Variants in CA8 observed in about 807,000 individuals in gnomAD.
CA8 encodes carbonic anhydrase 8 (inactive).
Under a neutral mutation model 41.4 loss-of-function variants are expected in CA8, and 22 were observed. The observed-to-expected ratio is 0.53, with a 90% CI of 0.38 to 0.76. The LOEUF (loss-of-function observed/expected upper bound fraction) is 0.76, where lower values mean the gene tolerates loss of function less well. Ranked by LOEUF, CA8 falls within the 30% of genes least tolerant of loss-of-function variation. The pLI is 0.00. For missense variants in CA8, 270 were observed against 352.8 expected (o/e 0.77, Z 1.88); for synonymous variants, 121 against 130.6 (o/e 0.93, Z 0.50).
chr8:60,219,252 G>C (rs1167833299), intron 7 of CA8, among the ~76,000 whole-genome samples: 3 of 151,500 alleles, frequency 2.0e-5, no homozygotes, highest in Non-Finnish European at 4.4e-5. Context: ...TCCACCACCC[G>C]GGTTCAAGCA....
At position 60,250,814 on chromosome 8, in the gene CA8, A is replaced by C. The variant is rs1808415083; in HGVS notation, c.417+15111T>G. ...GTGTAATGTTGAACAGTGATGCTCC[A>C]CTGCTCTTGGTCAAATAACATATAT... On this transcript the variant is annotated intron_variant, in intron 3 of 8. Coordinates refer to ENST00000317995, the MANE Select transcript of CA8 (RefSeq NM_004056.6). Among the ~76,000 whole-genome samples the C allele has an allele frequency of 2.0e-5, 3 of 152,216 alleles. No homozygotes were observed. In the South Asian group the frequency reaches 6.2e-4, roughly 32 times the overall value.
chr8:60,280,108 T>C (rs965307219), intron 1 of CA8, among the ~76,000 whole-genome samples: 8 of 152,182 alleles, frequency 5.3e-5, no homozygotes, highest in Admixed American at 3.9e-4. Context: ...AATATTCTAT[T>C]TGTATTTGTC....
intron 7 of CA8, among the ~76,000 whole-genome samples, chr8:60,220,666 T>C (rs1807211774): frequency 6.6e-6 from 1 of 152,182 alleles, no homozygotes; most frequent in Non-Finnish European, 1.5e-5. Flanking sequence ...GCTATCTTCT[T>C]GTCTTCCTAC....
intron 3 of CA8, among the ~76,000 whole-genome samples, chr8:60,246,061 C>T (rs1808224590): frequency 6.6e-6 from 1 of 152,224 alleles, no homozygotes; most frequent in South Asian, 2.1e-4. Flanking sequence ...CTTACCTAAC[C>T]GTGAACCTCT....
At chr8:60,272,058 G>A (rs116015746) in intron 2 of CA8, among the ~76,000 whole-genome samples, 2,730 of 152,222 alleles carry the variant, frequency 0.018, 67 homozygotes, top group African/African-American at 0.061. Context: ...TGTTAGGAGG[G>A]AGGGACTCTG....
chr8:60,242,603 T>G (rs1469150308), intron 3 of CA8, among the ~76,000 whole-genome samples: 1 of 152,140 alleles, frequency 6.6e-6, no homozygotes, highest in Non-Finnish European at 1.5e-5. Flanking sequence ...CCCAAGACAC[T>G]GCTAGCATGC....
At chr8:60,280,031 T>C (rs1032432994) in intron 1 of CA8, 151 bp from the exon 2 acceptor site, 11 of 630,338 alleles carry the variant, frequency 1.7e-5, no homozygotes, top group Middle Eastern at 8.6e-4. Context: ...ATTCTATTTG[T>C]TTTTGCATTC....
chr8:60,222,555 C>T (rs994950943), intron 7 of CA8, 94 bp downstream of exon 7: 16 of 792,800 alleles, frequency 2.0e-5, no homozygotes, highest in Non-Finnish European at 3.1e-5. Context: ...GACTGATCTA[C>T]AGGAAGCTAA....
intron 3 of CA8, among the ~76,000 whole-genome samples, chr8:60,244,470 T>C (rs1228666167): frequency 1.3e-5 from 2 of 152,240 alleles, no homozygotes; most frequent in African/African-American, 2.4e-5. Flanking sequence ...ATTTGGATTA[T>C]TATGTATTAA....
At chr8:60,201,130 C>T (rs576817583) in intron 8 of CA8, among the ~76,000 whole-genome samples, 1 of 152,216 alleles carries the variant, frequency 6.6e-6, no homozygotes, top group East Asian at 1.9e-4. Context: ...GCACGGCTCA[C>T]GTTTCAAAGA....
At chr8:60,220,300 G>C (rs920895258) in intron 7 of CA8, among the ~76,000 whole-genome samples, 1 of 152,116 alleles carries the variant, frequency 6.6e-6, no homozygotes, top group East Asian at 1.9e-4. Context: ...TATTGCAGAA[G>C]GGAAGCCAAA....
intron 3 of CA8, among the ~76,000 whole-genome samples, chr8:60,264,447 T>TA (rs2130592128): frequency 6.6e-6 from 1 of 152,356 alleles, no homozygotes; most frequent in African/African-American, 2.4e-5. Flanking sequence ...CCAGTGGGGT[T>TA]AACTGTCTTG....
At chr8:60,263,664 G>A (rs1407415170) in intron 3 of CA8, among the ~76,000 whole-genome samples, 3 of 152,230 alleles carry the variant, frequency 2.0e-5, no homozygotes, top group Non-Finnish European at 4.4e-5. Flanking sequence ...CAGGGGACCT[G>A]TAGTCCCCTG....
intron 7 of CA8, among the ~76,000 whole-genome samples, chr8:60,213,258 C>T (rs768090232): frequency 1.3e-5 from 2 of 152,202 alleles, no homozygotes; most frequent in Admixed American, 6.5e-5. Context: ...CCGACGTCAA[C>T]GGTCCTGAAG....
At chr8:60,272,121 C>A (rs1047220546) in intron 2 of CA8, among the ~76,000 whole-genome samples, 2 of 152,082 alleles carry the variant, frequency 1.3e-5, no homozygotes. Context: ...GATCTGAAAC[C>A]GGGGGCTCCA....
chr8:60,273,839 G>T (rs1325741751), intron 2 of CA8, among the ~76,000 whole-genome samples: 1 of 152,236 alleles, frequency 6.6e-6, no homozygotes, highest in East Asian at 1.9e-4. Flanking sequence ...AGGGATGGGG[G>T]CAGGGGCTCA....
chr8:60,247,322 G>C (rs185795947), intron 3 of CA8, among the ~76,000 whole-genome samples: 382 of 152,198 alleles, frequency 2.5e-3, no homozygotes, highest in African/African-American at 8.8e-3. Flanking sequence ...ATATGCCATG[G>C]TGGTTTGCTG....
chr8:60,263,831 A>C (rs1803814551), intron 3 of CA8, among the ~76,000 whole-genome samples: 1 of 152,254 alleles, frequency 6.6e-6, no homozygotes, highest in East Asian at 1.9e-4. Context: ...TGGCTTGCAG[A>C]GATCTCCTTC....
At chr8:60,200,064 G>C (rs1029929780) in intron 8 of CA8, among the ~76,000 whole-genome samples, 2 of 152,308 alleles carry the variant, frequency 1.3e-5, no homozygotes, top group East Asian at 3.9e-4. Flanking sequence ...TATTGATCAT[G>C]TGGGCAGAGG....
Sources: gnomAD v4.1 joint callset for allele counts (sites outside exome capture counted in the v4.1 genomes callset) on GRCh38, gnomAD v4.1.1 for gene constraint, MANE v1.5 for transcripts, NCBI Gene and HGNC (gene_info 2026-07-23, HGNC 2026-07-21) for gene names.